USH2A: variants seen among roughly 807,000 people sequenced by gnomAD.
USH2A encodes Usher syndrome 2A (autosomal recessive, mild).
Under a neutral mutation model 538.9 loss-of-function variants are expected in USH2A, and 443 were observed. The ratio of observed to expected loss-of-function variants is 0.82; its 90% CI spans 0.76 to 0.89. USH2A has a LOEUF of 0.89. Among genes scored for constraint, USH2A ranks in the 40% least tolerant of loss-of-function variants. USH2A has a pLI of 0.00. For synonymous variants in USH2A, 2,413 were observed against 2,273.5 expected, an observed-to-expected ratio of 1.06 and a Z score of -1.75; for missense variants, 6,633 against 6,324.8, an observed-to-expected ratio of 1.05 and a Z score of -1.65.
At chr1:216,236,154 T>C (rs1423640020) in intron 13 of USH2A, among the ~76,000 whole-genome samples, 1 of 152,136 alleles carries the variant, frequency 6.6e-6, no homozygotes, top group Non-Finnish European at 1.5e-5. Context: ...TTTAAAACAA[T>C]TTTTAAGGGT....
chr1:216,200,156 A>C (rs775721485), intron 16 of USH2A, 35 bp from the exon 17 acceptor site: 10 of 1,592,990 alleles, frequency 6.3e-6, no homozygotes, highest in Non-Finnish European at 8.5e-6. Flanking sequence ...ACAAAGTTAC[A>C]TTTCACAAGT....
intron 11 of USH2A, among the ~76,000 whole-genome samples, chr1:216,287,691 G>A (rs1014315933): frequency 2.6e-5 from 4 of 152,124 alleles, no homozygotes; most frequent in African/African-American, 9.7e-5. Context: ...AGACAAATCT[G>A]ATGCACTGTA....
intron 53 of USH2A, 102 bp from the exon 54 acceptor site, chr1:215,782,298 G>A: frequency 7.9e-7 from 1 of 1,259,304 alleles, no homozygotes; most frequent in East Asian, 2.5e-5. Flanking sequence ...CAATACTATA[G>A]CTTTATTTAA....
chr1:215,773,794 A>G (rs1367348670), intron 55 of USH2A, among the ~76,000 whole-genome samples: 1 of 152,098 alleles, frequency 6.6e-6, no homozygotes, highest in Non-Finnish European at 1.5e-5. Flanking sequence ...TCCCCTGGTG[A>G]TCTTGACTGT....
intron 38 of USH2A, among the ~76,000 whole-genome samples, chr1:215,923,901 A>G (rs1666167357): frequency 6.6e-6 from 1 of 151,646 alleles, no homozygotes; most frequent in South Asian, 2.1e-4. Flanking sequence ...TTCTTTTTAA[A>G]ATTTAAATAG....
At chr1:216,106,172 A>T (rs2032726200) in intron 21 of USH2A, among the ~76,000 whole-genome samples, 1 of 147,482 alleles carries the variant, frequency 6.8e-6, no homozygotes, top group Admixed American at 6.8e-5. Flanking sequence ...ATATATTTAT[A>T]TATATAAATA....
intron 61 of USH2A, among the ~76,000 whole-genome samples, chr1:215,682,647 G>T (rs1040226147): frequency 1.3e-5 from 2 of 152,102 alleles, no homozygotes; most frequent in African/African-American, 4.8e-5. Context: ...TGGCCTGTAG[G>T]TTGCAAGCTG....
At chr1:215,768,607 G>A (rs865988975) in intron 55 of USH2A, among the ~76,000 whole-genome samples, 13 of 152,260 alleles carry the variant, frequency 8.5e-5, no homozygotes, top group African/African-American at 2.9e-4. Flanking sequence ...GATCTAAGCC[G>A]TACCCAAGCC....
At chr1:216,038,761 A>AT (rs2030122258) in intron 32 of USH2A, among the ~76,000 whole-genome samples, 1 of 152,056 alleles carries the variant, frequency 6.6e-6, no homozygotes, top group African/African-American at 2.4e-5. Context: ...TAAAACGTAC[A>AT]TAAAAAATCA....
intron 70 of USH2A, among the ~76,000 whole-genome samples, chr1:215,634,146 G>A (rs1354396153): frequency 6.6e-6 from 1 of 152,176 alleles, no homozygotes; most frequent in African/African-American, 2.4e-5. Flanking sequence ...CTCATCCCTA[G>A]TTACACATTA....
At chr1:215,754,464 T>C (rs535428958) in intron 58 of USH2A, among the ~76,000 whole-genome samples, 6 of 152,018 alleles carry the variant, frequency 3.9e-5, no homozygotes, top group Admixed American at 6.6e-5. Flanking sequence ...ACATTTTTTT[T>C]CCCAGCAGCT....
chr1:216,150,991 G>A (rs543690652), intron 21 of USH2A, among the ~76,000 whole-genome samples: 7 of 152,148 alleles, frequency 4.6e-5, no homozygotes, highest in African/African-American at 7.2e-5. Flanking sequence ...AGGAAGACAC[G>A]TGCCCTGTAT....
chr1:216,372,013 T>C (rs1415056174), intron 3 of USH2A, among the ~76,000 whole-genome samples: 1 of 152,212 alleles, frequency 6.6e-6, no homozygotes, highest in Non-Finnish European at 1.5e-5. Flanking sequence ...ACAAACAATA[T>C]GAATAAGTAC....
At chr1:216,074,331 T>TCA (rs2031675867) in intron 27 of USH2A, among the ~76,000 whole-genome samples, 1 of 133,408 alleles carries the variant, frequency 7.5e-6, no homozygotes, top group African/African-American at 2.7e-5. Flanking sequence ...ATGTTCTCTC[T>TCA]CTCTCTCTCT....
intron 4 of USH2A, among the ~76,000 whole-genome samples, chr1:216,332,584 G>A (rs988352396): frequency 6.6e-6 from 1 of 152,096 alleles, no homozygotes; most frequent in African/African-American, 2.4e-5. Flanking sequence ...GCAGGAAGTG[G>A]GGACTAAAGG....
In USH2A at chr1:215,645,448, C is replaced by T. The variant is rs181384492; in HGVS notation, c.14791+2074G>A. ...CAAGAGCCTCAGTTCAGATCATAGT[C>T]TATATGAATGGCATCCTGGAATCGC... On this transcript the variant is annotated intron_variant, in intron 67 of 71. Coordinates refer to ENST00000307340, the MANE Select transcript of USH2A (RefSeq NM_206933.4). Among the ~76,000 whole-genome samples the T allele has an allele frequency of 1.8e-3, 268 of 152,230 alleles. 3 individuals carry two copies. Among genetic ancestry groups the T allele is most frequent in the Admixed American group, 4.3e-3 (65 of 15,288 alleles).
At chr1:216,100,813 T>C (rs951329273) in intron 21 of USH2A, among the ~76,000 whole-genome samples, 5 of 152,206 alleles carry the variant, frequency 3.3e-5, no homozygotes, top group Admixed American at 1.3e-4. Context: ...GGGAATCTCA[T>C]AAAAATTATG....
intron 26 of USH2A, among the ~76,000 whole-genome samples, chr1:216,083,039 T>A (rs1349651672): frequency 3.9e-5 from 6 of 151,984 alleles, no homozygotes; most frequent in Admixed American, 3.9e-4. Context: ...ATGATAATAT[T>A]CAGTTATCAG....
intron 21 of USH2A, among the ~76,000 whole-genome samples, chr1:216,116,929 C>G (rs2033022407): frequency 6.6e-6 from 1 of 152,052 alleles, no homozygotes; most frequent in Non-Finnish European, 1.5e-5. Context: ...CTGGAATAGT[C>G]ACATCATACT....
Sources: allele counts gnomAD v4.1 joint callset (sites outside exome capture counted in the v4.1 genomes callset), GRCh38; gene constraint gnomAD v4.1.1; transcripts MANE v1.5; gene names NCBI Gene and HGNC (gene_info 2026-07-23, HGNC 2026-07-21).